RHPN2: variants seen among roughly 807,000 people sequenced by gnomAD.
RHPN2 encodes rhophilin Rho GTPase binding protein 2.
Under a neutral mutation model 79.0 loss-of-function variants are expected in RHPN2, and 40 were observed. The observed-to-expected ratio is 0.51, with a 90% CI of 0.39 to 0.66. RHPN2 has a LOEUF of 0.66. Among genes scored for constraint, RHPN2 ranks in the 30% least tolerant of loss-of-function variants. The pLI, the probability that RHPN2 is intolerant of heterozygous loss-of-function variation, is 0.00. For synonymous variants in RHPN2, 285 were observed against 363.5 expected, an observed-to-expected ratio of 0.78 and a Z score of 2.46; for missense variants, 686 against 883.5, an observed-to-expected ratio of 0.78 and a Z score of 2.83.
intron 2 of RHPN2, among the ~76,000 whole-genome samples, chr19:33,031,261 T>TTCTATTCTAC (rs1555713299): frequency 4.0e-4 from 53 of 132,058 alleles, no homozygotes; most frequent in African/African-American, 1.5e-3. Context: ...TTCTACTCTA[T>TTCTATTCTAC]TCTATTCTAT....
chr19:33,005,009 G>T (rs1971778694), intron 7 of RHPN2, among the ~76,000 whole-genome samples: 1 of 151,518 alleles, frequency 6.6e-6, no homozygotes, highest in African/African-American at 2.4e-5. Context: ...GACAGGTATG[G>T]AGATGCAAGC....
chr19:33,005,412 CAAAAAAAAAAA>C (rs766044835), intron 7 of RHPN2, among the ~76,000 whole-genome samples: 5 of 62,726 alleles, frequency 8.0e-5, no homozygotes, highest in African/African-American at 2.6e-4. Flanking sequence ...GATTCTGTCT[CAAAAAAAAAAA>C]AAAAAAAAAA....
chr19:33,000,679 C>T (rs1161152522), intron 9 of RHPN2, among the ~76,000 whole-genome samples: 1 of 152,122 alleles, frequency 6.6e-6, no homozygotes, highest in East Asian at 1.9e-4. Context: ...CCCTTCGTGG[C>T]GCGCATCCTG....
chr19:32,993,729 G>A (rs1971678681), intron 12 of RHPN2, among the ~76,000 whole-genome samples: 1 of 152,136 alleles, frequency 6.6e-6, no homozygotes, highest in Admixed American at 6.6e-5. Flanking sequence ...CACCTTTTCT[G>A]CCATGAGGAC....
At chr19:33,019,014 A>G (rs1411310099) in intron 4 of RHPN2, among the ~76,000 whole-genome samples, 2 of 145,938 alleles carry the variant, frequency 1.4e-5, no homozygotes, top group African/African-American at 2.6e-5. Flanking sequence ...CTGGGCAACA[A>G]GAGCGAAACT....
chr19:33,013,709 G>A (rs1421947616), intron 4 of RHPN2, among the ~76,000 whole-genome samples: 2 of 151,956 alleles, frequency 1.3e-5, no homozygotes, highest in African/African-American at 4.8e-5. Flanking sequence ...CTATTCAGGG[G>A]CTCAGACTTG....
chr19:33,041,517 C>A (rs887758637), intron 2 of RHPN2, among the ~76,000 whole-genome samples: 2 of 152,172 alleles, frequency 1.3e-5, no homozygotes, highest in Non-Finnish European at 2.9e-5. Context: ...AACAACCCCC[C>A]ACTCCTGCCC....
intron 7 of RHPN2, among the ~76,000 whole-genome samples, chr19:33,005,593 G>T (rs1480019539): frequency 2.9e-5 from 3 of 103,320 alleles, no homozygotes; most frequent in African/African-American, 3.9e-5. Context: ...GGTTCCTCTG[G>T]TTTTGTTGCT....
intron 2 of RHPN2, 50 bp downstream of exon 2, chr19:33,044,199 G>A (rs771787333): frequency 7.2e-5 from 100 of 1,387,718 alleles, no homozygotes; most frequent in Non-Finnish European, 9.4e-5. Flanking sequence ...GGAGTTTAGG[G>A]AACAGATGAC....
At chr19:33,034,222 C>G (rs1056031241) in intron 2 of RHPN2, among the ~76,000 whole-genome samples, 3 of 151,412 alleles carry the variant, frequency 2.0e-5, no homozygotes, top group African/African-American at 7.3e-5. Context: ...CCTGTAACCC[C>G]AGCACTTTGG....
chr19:33,062,078 A>ACCAG (rs1972284775), intron 1 of RHPN2, among the ~76,000 whole-genome samples: 1 of 152,198 alleles, frequency 6.6e-6, no homozygotes, highest in African/African-American at 2.4e-5. Context: ...ATGACTTAAC[A>ACCAG]TGGAGTAGCA....
chr19:32,993,264 C>G (rs1971675286), intron 12 of RHPN2, among the ~76,000 whole-genome samples: 1 of 152,076 alleles, frequency 6.6e-6, no homozygotes, highest in Non-Finnish European at 1.5e-5. Context: ...CACTGGAGCC[C>G]AGGAGTTCAA....
intron 14 of RHPN2, among the ~76,000 whole-genome samples, chr19:32,983,319 G>T (rs553402467): frequency 7.6e-4 from 116 of 152,016 alleles, no homozygotes; most frequent in Non-Finnish European, 1.2e-3. Context: ...GAGACCATCG[G>T]GGCTAACATG....
Position 33,004,762 on chromosome 19 carries a change from T to A in RHPN2, c.761-1762A>T, listed in dbSNP as rs190200705. 2.5e-4 allele frequency among the ~76,000 whole-genome samples: 38 copies of A among 151,850 alleles called. No homozygotes were observed. The East Asian group carries it at 7.5e-3, about 30-fold the overall frequency. Reference sequence around the variant, plus strand: ...CCACCACACCCAGCTAATTTTTGTATTTTTAGTACAGACGGGGTTTCACCA... The same window carrying A: ...CCACCACACCCAGCTAATTTTTGTAATTTTAGTACAGACGGGGTTTCACCA... On this transcript the variant is annotated intron_variant, in intron 7 of 14. Coordinates refer to ENST00000254260, the MANE Select transcript of RHPN2 (RefSeq NM_033103.5).
At chr19:33,055,759 C>T (rs1006344500) in intron 1 of RHPN2, among the ~76,000 whole-genome samples, 4 of 147,664 alleles carry the variant, frequency 2.7e-5, no homozygotes, top group African/African-American at 1.0e-4. Context: ...CAACAACAAA[C>T]AAAAATTCTC....
intron 14 of RHPN2, among the ~76,000 whole-genome samples, chr19:32,984,504 C>T (rs1264926712): frequency 1.3e-5 from 2 of 151,944 alleles, no homozygotes; most frequent in African/African-American, 4.8e-5. Flanking sequence ...ACTAAAAATA[C>T]AAAAATTAGC....
intron 2 of RHPN2, among the ~76,000 whole-genome samples, chr19:33,032,273 T>TC (rs1449491762): frequency 6.6e-6 from 1 of 152,144 alleles, no homozygotes; most frequent in Non-Finnish European, 1.5e-5. Context: ...CACCTCGGCC[T>TC]CCCGAAGTGC....
At chr19:33,048,067 G>A (rs1972156251) in intron 1 of RHPN2, among the ~76,000 whole-genome samples, 1 of 152,026 alleles carries the variant, frequency 6.6e-6, no homozygotes, top group Non-Finnish European at 1.5e-5. Flanking sequence ...AAATTGCACA[G>A]ATATTCGGAA....
Position 32,979,223 on chromosome 19 carries a change from CT to C in RHPN2, c.*772del, listed in dbSNP as rs34221329. 1.3e-5 allele frequency: 2 copies of C among 152,188 alleles called. No individual in the cohort carries two copies. Among genetic ancestry groups the C allele is most frequent in the African/African-American group, 4.8e-5 (2 of 41,438 alleles). The allele number at this position is 152,188 out of a possible 1,614,324, so 9.4% of individuals were successfully genotyped here. ...CTTTACTTTATAAAATGTAAAACTA[CT>C]TTTTTACCCAAGACTTAAAATATAG... is the stretch of plus-strand genomic sequence containing the variant. On this transcript the variant is annotated 3_prime_UTR_variant, in exon 15 of 15. Transcript: ENST00000254260.
Sources: gnomAD v4.1 joint callset for allele counts (sites outside exome capture counted in the v4.1 genomes callset) on GRCh38, gnomAD v4.1.1 for gene constraint, MANE v1.5 for transcripts, NCBI Gene and HGNC (gene_info 2026-07-23, HGNC 2026-07-21) for gene names.